DPP10: variants seen among roughly 807,000 people sequenced by gnomAD.
DPP10 encodes inactive dipeptidyl peptidase 10.
DPP10 carries 33 observed loss-of-function variants against 120.9 expected under a neutral mutation model. That is an observed-to-expected ratio of 0.27 (90% CI 0.21 to 0.37). The LOEUF (loss-of-function observed/expected upper bound fraction) is 0.37, where lower values mean the gene tolerates loss of function less well. Ranked by LOEUF, DPP10 falls within the 10% of genes least tolerant of loss-of-function variation. The probability of loss-of-function intolerance (pLI) is 1.00; values close to 1 mark genes in which losing one functional copy is unlikely to be tolerated. For missense variants in DPP10, 816 were observed against 942.8 expected (o/e 0.87, Z 1.76); for synonymous variants, 337 against 326.1 (o/e 1.03, Z -0.36).
At chr2:115,601,718 G>A (rs772582125) in intron 5 of DPP10, among the ~76,000 whole-genome samples, 4 of 152,010 alleles carry the variant, frequency 2.6e-5, no homozygotes, top group Admixed American at 6.6e-5. Flanking sequence ...CTCTGTTGCC[G>A]GCTGGAGTGC....
chr2:115,838,654 A>C, intron 24 of DPP10, among the ~76,000 whole-genome samples: 1 of 152,142 alleles, frequency 6.6e-6, no homozygotes, highest in East Asian at 1.9e-4. Context: ...TGTTGTAGCT[A>C]TAAAGGTAAA....
intron 1 of DPP10, chr2:115,064,952 G>T (rs2105414710): frequency 1.7e-6 from 1 of 591,562 alleles, no homozygotes; most frequent in Non-Finnish European, 2.6e-6. Context: ...CCTAATAGTT[G>T]CCCACATATA....
At chr2:115,274,888 T>C (rs2059848273) in intron 1 of DPP10, among the ~76,000 whole-genome samples, 2 of 152,172 alleles carry the variant, frequency 1.3e-5, no homozygotes, top group South Asian at 4.1e-4. Context: ...ACTAGCATAG[T>C]GTGGTTTCTG....
intron 22 of DPP10, 87 bp from the exon 23 acceptor site, chr2:115,836,420 A>G (rs1689535358): frequency 1.3e-6 from 2 of 1,520,832 alleles, no homozygotes; most frequent in African/African-American, 1.4e-5. Context: ...AAGCATGACA[A>G]TTAAATGTAA....
intron 5 of DPP10, among the ~76,000 whole-genome samples, chr2:115,643,282 A>T (rs2086938838): frequency 6.6e-6 from 1 of 152,184 alleles, no homozygotes; most frequent in African/African-American, 2.4e-5. Flanking sequence ...GGTTCTTCTT[A>T]ATTGCTCAAG....
intron 1 of DPP10, among the ~76,000 whole-genome samples, chr2:115,016,224 T>A (rs1008800808): frequency 1.3e-5 from 2 of 152,210 alleles, no homozygotes; most frequent in African/African-American, 4.8e-5. Context: ...ATCTGATCTT[T>A]GACCAGCCTG....
chr2:115,605,940 C>G (rs2083678953), intron 5 of DPP10, among the ~76,000 whole-genome samples: 1 of 152,070 alleles, frequency 6.6e-6, no homozygotes, highest in Non-Finnish European at 1.5e-5. Context: ...ATCATGACTT[C>G]AAACTTCTAT....
chr2:114,751,058 A>G (rs2106040313), intron 1 of DPP10, among the ~76,000 whole-genome samples: 1 of 152,364 alleles, frequency 6.6e-6, no homozygotes, highest in African/African-American at 2.4e-5. Flanking sequence ...GAACAATGGA[A>G]GATGTCTGCT....
At chr2:115,301,683 T>A (rs2061141310) in intron 1 of DPP10, among the ~76,000 whole-genome samples, 1 of 151,942 alleles carries the variant, frequency 6.6e-6, no homozygotes. Flanking sequence ...TGTGGAGGAA[T>A]GAGGACCTGG....
intron 1 of DPP10, among the ~76,000 whole-genome samples, chr2:115,124,103 G>A (rs1168567507): frequency 1.3e-5 from 2 of 151,742 alleles, no homozygotes; most frequent in Admixed American, 6.6e-5. Context: ...ACCACACCTG[G>A]CTAATTTTCT....
At chr2:114,711,019 A>T (rs1018650445) in intron 1 of DPP10, among the ~76,000 whole-genome samples, 1 of 152,182 alleles carries the variant, frequency 6.6e-6, no homozygotes, top group African/African-American at 2.4e-5. Context: ...AGCTGAACAC[A>T]GTTATTTGTG....
chr2:115,054,582 G>T (rs556798142), intron 1 of DPP10, among the ~76,000 whole-genome samples: 1 of 152,280 alleles, frequency 6.6e-6, no homozygotes, highest in African/African-American at 2.4e-5. Context: ...TTAACCTTCA[G>T]TCTATGATAT....
intron 24 of DPP10, among the ~76,000 whole-genome samples, chr2:115,839,673 CA>C (rs57734176): frequency 0.022 from 2,016 of 90,488 alleles, 42 homozygotes; most frequent in African/African-American, 0.067. Flanking sequence ...GACTCCATCT[CA>C]AAAAAAAAAA....
At chr2:115,227,797 G>A (rs927349088) in intron 1 of DPP10, among the ~76,000 whole-genome samples, 7 of 151,850 alleles carry the variant, frequency 4.6e-5, no homozygotes, top group Non-Finnish European at 1.0e-4. Flanking sequence ...ATATGCCATA[G>A]TTTGTTCAGC....
chr2:115,455,847 T>C (rs1070873), intron 3 of DPP10, among the ~76,000 whole-genome samples: 125,899 of 152,064 alleles, frequency 0.83, 55,149 homozygotes, highest in Non-Finnish European at 0.97. Context: ...AACATAAGAC[T>C]AAAAACCATA....
chr2:114,926,846 T>C (rs1261238124), intron 1 of DPP10, among the ~76,000 whole-genome samples: 5 of 123,118 alleles, frequency 4.1e-5, no homozygotes, highest in Non-Finnish European at 8.2e-5. Context: ...TGGGGGAAGA[T>C]ACAATTTTTT....
At chr2:114,535,490 T>C (rs1686409097) in intron 1 of DPP10, among the ~76,000 whole-genome samples, 2 of 152,188 alleles carry the variant, frequency 1.3e-5, no homozygotes, top group Non-Finnish European at 2.9e-5. Context: ...TCTCTAAACA[T>C]ATTAATCCCA....
intron 3 of DPP10, among the ~76,000 whole-genome samples, chr2:115,428,767 A>C (rs2070710426): frequency 6.6e-6 from 1 of 152,220 alleles, no homozygotes; most frequent in Non-Finnish European, 1.5e-5. Flanking sequence ...GACTTTCTGC[A>C]GAAAGGATAC....
chr2:115,644,586 C>T (rs1443482194), intron 5 of DPP10, among the ~76,000 whole-genome samples: 7 of 150,062 alleles, frequency 4.7e-5, no homozygotes, highest in East Asian at 3.9e-4. Flanking sequence ...GCCTGGGCAG[C>T]GTAGAGACAC....
Sources: gnomAD v4.1 joint callset for allele counts (sites outside exome capture counted in the v4.1 genomes callset) on GRCh38, gnomAD v4.1.1 for gene constraint, MANE v1.5 for transcripts, NCBI Gene and HGNC (gene_info 2026-07-23, HGNC 2026-07-21) for gene names.